Variants in LRRC71 observed in about 807,000 individuals in gnomAD.
LRRC71 encodes leucine rich repeat containing 71.
In LRRC71, 54 loss-of-function variants were observed where a neutral mutation model predicts 66.6. That is an observed-to-expected ratio of 0.81 (90% CI 0.65 to 1.02). The LOEUF (loss-of-function observed/expected upper bound fraction) is 1.02, where lower values mean the gene tolerates loss of function less well. Among genes scored for constraint, LRRC71 ranks in the 50% least tolerant of loss-of-function variants. The pLI is 0.00. For missense variants in LRRC71, 724 were observed against 718.0 expected (o/e 1.01, Z -0.10); for synonymous variants, 323 against 303.9 (o/e 1.06, Z -0.65).
chr1:156,925,629 A>C (rs1020002547), intron 5 of LRRC71, among the ~76,000 whole-genome samples: 1 of 152,220 alleles, frequency 6.6e-6, no homozygotes, highest in Non-Finnish European at 1.5e-5. Flanking sequence ...AGCAGGAGCA[A>C]GGCATGGGGC....
the LRRC71 span, chr1:156,939,892 A>C: frequency 6.8e-6 from 11 of 1,606,024 alleles, no homozygotes; most frequent in East Asian, 2.5e-4. Context: ...CCACAGGATC[A>C]GATGTCGCAG....
the LRRC71 span, among the ~76,000 whole-genome samples, chr1:156,940,663 C>T: frequency 6.6e-6 from 1 of 152,158 alleles, no homozygotes; most frequent in African/African-American, 2.4e-5. Context: ...AAAAATAAGA[C>T]ACTTCAGTCA....
intron 1 of LRRC71, among the ~76,000 whole-genome samples, chr1:156,922,533 G>A (rs1652548589): frequency 6.6e-6 from 1 of 152,210 alleles, no homozygotes. Context: ...GCTACGAGGT[G>A]AGATCATTAG....
At chr1:156,930,845 T>C (rs1331458410) in intron 12 of LRRC71, among the ~76,000 whole-genome samples, 3 of 152,210 alleles carry the variant, frequency 2.0e-5, no homozygotes, top group Middle Eastern at 3.2e-3. Context: ...CCTTCTATTT[T>C]TCCTTGTCTA....
rs572545260 is a variant in LRRC71 at position 156,924,722 on chromosome 1, A to C, written c.515+4A>C. 72 of 1,551,422 alleles carry C rather than the reference A, an allele frequency of 4.6e-5. No homozygotes were observed. Among genetic ancestry groups the C allele is most frequent in the Non-Finnish European group, 6.3e-5 (72 of 1,146,924 alleles). On this transcript the variant is annotated splice_donor_region_variant and intron_variant, in intron 4 of 14. Transcript: ENST00000337428. ...TTACCCAGCTACAGGCCATCAAGTG[A>C]GAGGCACTGAGGGGATGGGCGGGGG...
At chr1:156,926,198 A>G (rs1317039708) in intron 5 of LRRC71, among the ~76,000 whole-genome samples, 1 of 152,204 alleles carries the variant, frequency 6.6e-6, no homozygotes, top group African/African-American at 2.4e-5. Flanking sequence ...AATTAACCCC[A>G]AGATTCAGTG....
chr1:156,936,936 C>A (rs1362012869), downstream of LRRC71: 2 of 1,614,132 alleles, frequency 1.2e-6, no homozygotes, highest in Non-Finnish European at 1.7e-6. Context: ...AAACTGCCCA[C>A]AGGCGTGGTG....
At chr1:156,926,262 G>A (rs1291516791) in intron 5 of LRRC71, among the ~76,000 whole-genome samples, 1 of 152,238 alleles carries the variant, frequency 6.6e-6, no homozygotes, top group Non-Finnish European at 1.5e-5. Flanking sequence ...TGACCTGGGG[G>A]TGGGCTAGCT....
chr1:156,922,295 TG>T (rs1232698626), intron 1 of LRRC71, among the ~76,000 whole-genome samples: 3 of 151,984 alleles, frequency 2.0e-5, no homozygotes, highest in African/African-American at 7.2e-5. Flanking sequence ...TTGTAGAGGA[TG>T]GCAGGGAAAC....
Position 156,924,565 on chromosome 1 carries a change from C to T in LRRC71, c.439+13C>T. 6.5e-7 allele frequency: 1 copy of T among 1,540,496 alleles called. No individual in the cohort carries two copies. The highest frequency in any genetic ancestry group is 8.8e-7 in the Non-Finnish European group (1 of 1,138,040). On this transcript the variant is annotated intron_variant, in intron 3 of 14. Coordinates refer to ENST00000337428, the MANE Select transcript of LRRC71 (RefSeq NM_144702.3). ...ATCTACATCCGCGGTGAGCCCCGCT[C>T]CCCCCACCCGCCCCAGCTCCCTCCC...
At chr1:156,937,509 T>C, downstream of LRRC71, 1 of 1,512,296 alleles carries the variant, frequency 6.6e-7, no homozygotes, top group Non-Finnish European at 8.8e-7. Context: ...GTCCCCACAG[T>C]AAGAGAATGA....
chr1:156,936,191 TC>T, downstream of LRRC71: 1 of 966,470 alleles, frequency 1.0e-6, no homozygotes, highest in Non-Finnish European at 1.7e-6. Context: ...CCCCAGTTTC[TC>T]GTAGGGCTTG....
chr1:156,935,943 C>T, downstream of LRRC71: 1 of 1,565,684 alleles, frequency 6.4e-7, no homozygotes, highest in South Asian at 1.2e-5. Flanking sequence ...GTGCCCCGGT[C>T]TCAGGCCAGT....
intron 4 of LRRC71, 46 bp from the exon 5 acceptor site, chr1:156,924,892 A>T: frequency 6.5e-7 from 1 of 1,546,514 alleles, no homozygotes; most frequent in Non-Finnish European, 8.8e-7. Flanking sequence ...TTCCAGTAGG[A>T]GGGGGCGCTC....
chr1:156,940,219 C>A, the LRRC71 span: 2 of 1,584,584 alleles, frequency 1.3e-6, no homozygotes, highest in Non-Finnish European at 1.7e-6. Flanking sequence ...TCTTCCAGAG[C>A]GGAGTCAGCG....
At chr1:156,923,817 CT>C in intron 1 of LRRC71, 131 bp from the exon 2 acceptor site, 1 of 958,990 alleles carries the variant, frequency 1.0e-6, no homozygotes, top group Non-Finnish European at 1.5e-6. Flanking sequence ...AGCGTCCGTA[CT>C]TCCAAGCGTT....
rs1433360029 is a variant in LRRC71 at position 156,924,027 on chromosome 1, A to G, written c.239A>G (p.Lys80Arg). The part of the protein sequence containing the change: ...CTRWGYTDFP[K>R]VVNRPRPHPP... ...CGGTGGGGCTACACGGACTTCCCCA[A>G]AGTTGTCAACCGGCCCCGCCCCCAC... Residue 80 changes from lysine (K) to arginine (R), a missense_variant, in exon 2 of 15, where the codon AAA (lysine) becomes AGA (arginine). Transcript: ENST00000337428. 8.4e-6 allele frequency: 13 copies of G among 1,548,584 alleles called. No individual in the cohort carries two copies. Among genetic ancestry groups the G allele is most frequent in the South Asian group, 4.8e-5 (4 of 83,654 alleles).
chr1:156,940,048 T>TG, the LRRC71 span: 1 of 1,438,186 alleles, frequency 7.0e-7, no homozygotes, highest in African/African-American at 1.4e-5. Context: ...AACTAGCTGG[T>TG]GGGGGTTGGG....
At chr1:156,930,075 T>C (rs1188563635) in intron 11 of LRRC71, among the ~76,000 whole-genome samples, 1 of 111,856 alleles carries the variant, frequency 8.9e-6, no homozygotes, top group Non-Finnish European at 1.6e-5. Flanking sequence ...TTTCTTTCTT[T>C]CTTTTCTTTC....
Sources: allele counts gnomAD v4.1 joint callset (sites outside exome capture counted in the v4.1 genomes callset), GRCh38; gene constraint gnomAD v4.1.1; transcripts MANE v1.5; gene names NCBI Gene and HGNC (gene_info 2026-07-23, HGNC 2026-07-21).